GGNBP2: variants seen among roughly 807,000 people sequenced by gnomAD.
GGNBP2 encodes gametogenetin binding protein 2.
Under a neutral mutation model 85.9 loss-of-function variants are expected in GGNBP2, and 10 were observed. That is an observed-to-expected ratio of 0.12 (90% CI 0.07 to 0.20). The LOEUF is 0.20. GGNBP2 is among the 10% of genes least tolerant of loss of function. GGNBP2 has a pLI of 1.00. For missense variants in GGNBP2, 595 were observed against 857.8 expected, an observed-to-expected ratio of 0.69 and a Z score of 3.83; for synonymous variants, 287 against 285.7, an observed-to-expected ratio of 1.00 and a Z score of -0.05.
intron 8 of GGNBP2, 24 bp downstream of exon 8, chr17:36,579,443 T>C: frequency 6.2e-7 from 1 of 1,602,606 alleles, no homozygotes; most frequent in Non-Finnish European, 8.5e-7. Context: ...GCTGTTCCAG[T>C]ATCTCAGATT....
At chr17:36,568,645 G>GT (rs1156771668) in intron 6 of GGNBP2, among the ~76,000 whole-genome samples, 1 of 152,120 alleles carries the variant, frequency 6.6e-6, no homozygotes, top group East Asian at 1.9e-4. Context: ...AATATTTGAA[G>GT]TATTTCTTCT....
At position 36,589,812 on chromosome 17, in the gene GGNBP2, T is replaced by G. The variant is rs1032137235; in HGVS notation, c.*401T>G. ...AATGTTAAAGCGCAATGTGCAAAAT[T>G]TAAAATAAAGAATATTTATTAATAC... On this transcript the variant is annotated 3_prime_UTR_variant, in exon 14 of 14. Coordinates refer to ENST00000613102, the MANE Select transcript of GGNBP2 (RefSeq NM_024835.5). 1 of 184,128 alleles carries G rather than the reference T, an allele frequency of 5.4e-6. No homozygotes were observed. Among genetic ancestry groups the G allele is most frequent in the Admixed American group, 5.7e-5 (1 of 17,594 alleles). 11.4% of individuals were successfully genotyped at this position (184,128 alleles called of 1,614,324 possible).
At chr17:36,577,583 GA>G in intron 6 of GGNBP2, 1 of 211,052 alleles carries the variant, frequency 4.7e-6, no homozygotes, top group South Asian at 6.7e-5. Flanking sequence ...TCAGAGACTG[GA>G]AGGAGAGAGA....
At chr17:36,565,103 A>G (rs2074455323) in intron 5 of GGNBP2, among the ~76,000 whole-genome samples, 1 of 152,228 alleles carries the variant, frequency 6.6e-6, no homozygotes, top group Non-Finnish European at 1.5e-5. Flanking sequence ...GAAGGAAGCC[A>G]AGGTGTAAAA....
At chr17:36,557,994 C>T (rs1368478966) in intron 4 of GGNBP2, among the ~76,000 whole-genome samples, 1 of 152,118 alleles carries the variant, frequency 6.6e-6, no homozygotes, top group Admixed American at 6.6e-5. Context: ...TGGCTGTCAT[C>T]ACAGCTATTC....
At chr17:36,582,260 C>T (rs930447604) in intron 9 of GGNBP2, 4 of 152,208 alleles carry the variant, frequency 2.6e-5, no homozygotes, top group Non-Finnish European at 5.9e-5. Flanking sequence ...GTGGCTCACG[C>T]CTGTAATCCC....
In GGNBP2 at chr17:36,548,615, C is replaced by CAAAAAAAA; in HGVS notation, c.93+2828_93+2835dup. Among the ~76,000 whole-genome samples the CAAAAAAAA allele has an allele frequency of 4.9e-3, 116 of 23,732 alleles. 33 individuals are homozygous for CAAAAAAAA. Among genetic ancestry groups the CAAAAAAAA allele is most frequent in the Non-Finnish European group, 7.0e-3 (84 of 11,922 alleles). The allele number at this position is 23,732 out of a possible 152,430, so 15.6% of individuals were successfully genotyped here. ...GGGCAACAAGAGCAAGACTCTGTCT[C>CAAAAAAAA]AAAAAAAAAAAAAAAAAAAAAAAAA... On this transcript the variant is annotated intron_variant, in intron 2 of 13. Coordinates refer to ENST00000613102, the MANE Select transcript of GGNBP2 (RefSeq NM_024835.5).
chr17:36,589,449 C>T lies in GGNBP2; in HGVS notation c.*38C>T, dbSNP rs372937975. The stretch of plus-strand genomic sequence containing the variant: ...GCTCTGTCTTTCAATGAAACACTCA[C>T]GATGACTACTGCGCCTTCTCTTTCG... On this transcript the variant is annotated 3_prime_UTR_variant, in exon 14 of 14. Coordinates refer to ENST00000613102, the MANE Select transcript of GGNBP2 (RefSeq NM_024835.5). 114 of 1,475,342 alleles carry T rather than the reference C, an allele frequency of 7.7e-5. No homozygotes were observed. The highest frequency in any genetic ancestry group is 9.6e-5 in the Non-Finnish European group (102 of 1,058,718). The allele number at this position is 1,475,342 out of a possible 1,614,324, so 91.4% of individuals were successfully genotyped here.
intron 8 of GGNBP2, 82 bp downstream of exon 8, chr17:36,579,501 T>A: frequency 8.4e-7 from 1 of 1,184,698 alleles, no homozygotes; most frequent in Non-Finnish European, 1.2e-6. Context: ...CACCAGTGCC[T>A]AAAAGGACTG....
At chr17:36,572,963 C>T (rs768114885) in intron 6 of GGNBP2, among the ~76,000 whole-genome samples, 30 of 151,846 alleles carry the variant, frequency 2.0e-4, no homozygotes, top group Non-Finnish European at 3.8e-4. Flanking sequence ...TTTTACTTAG[C>T]CATTATCTAA....
intron 2 of GGNBP2, chr17:36,546,144 T>A: frequency 4.8e-6 from 2 of 420,440 alleles, no homozygotes; most frequent in Non-Finnish European, 8.4e-6. Context: ...CTTGGGCGTT[T>A]AGGGCCTACC....
At chr17:36,545,302 G>A (rs953554933) in intron 1 of GGNBP2, among the ~76,000 whole-genome samples, 1 of 151,578 alleles carries the variant, frequency 6.6e-6, no homozygotes, top group African/African-American at 2.4e-5. Context: ...CGGGGCCCAG[G>A]CCAGGGGTGG....
At chr17:36,575,121 T>C in intron 6 of GGNBP2, 1 of 751,382 alleles carries the variant, frequency 1.3e-6, no homozygotes. Context: ...GACTTGATCT[T>C]CATGTGCTTG....
intron 9 of GGNBP2, among the ~76,000 whole-genome samples, chr17:36,582,914 G>A (rs577618629): frequency 3.2e-4 from 48 of 152,110 alleles, no homozygotes; most frequent in African/African-American, 1.1e-3. Flanking sequence ...TAAATTTTAA[G>A]CTACTCCTTC....
chr17:36,572,232 A>G (rs1015537822), intron 6 of GGNBP2, among the ~76,000 whole-genome samples: 7 of 152,180 alleles, frequency 4.6e-5, no homozygotes, highest in African/African-American at 1.4e-4. Context: ...AAATATTTCA[A>G]GTTTTATTAT....
intron 8 of GGNBP2, among the ~76,000 whole-genome samples, chr17:36,579,734 G>A (rs2074626959): frequency 6.6e-6 from 1 of 152,204 alleles, no homozygotes; most frequent in African/African-American, 2.4e-5. Flanking sequence ...AGTGAGGCTG[G>A]GCATGGTGGC....
intron 6 of GGNBP2, among the ~76,000 whole-genome samples, chr17:36,574,125 C>A (rs569185702): frequency 1.3e-5 from 2 of 152,218 alleles, no homozygotes; most frequent in African/African-American, 2.4e-5. Flanking sequence ...AATGCATAGT[C>A]ATGTGCTATG....
chr17:36,570,889 G>A (rs1555606686), intron 6 of GGNBP2, among the ~76,000 whole-genome samples: 1 of 151,990 alleles, frequency 6.6e-6, no homozygotes. Context: ...GCATGGTGGT[G>A]CACTTCTGTA....
At chr17:36,557,396 G>T in intron 4 of GGNBP2, 60 bp downstream of exon 4, 1 of 1,380,760 alleles carries the variant, frequency 7.2e-7, no homozygotes, top group Non-Finnish European at 1.0e-6. Context: ...CTTGGTGACA[G>T]TGGCAGCTTA....
Sources: gnomAD v4.1 joint callset for allele counts (sites outside exome capture counted in the v4.1 genomes callset) on GRCh38, gnomAD v4.1.1 for gene constraint, MANE v1.5 for transcripts, NCBI Gene and HGNC (gene_info 2026-07-23, HGNC 2026-07-21) for gene names.